EBF1: variants seen among roughly 807,000 people sequenced by gnomAD.
EBF1 encodes transcription factor COE1.
EBF1 carries 10 observed loss-of-function variants against 68.4 expected under a neutral mutation model. That is an observed-to-expected ratio of 0.15 (90% CI 0.09 to 0.25). The LOEUF (loss-of-function observed/expected upper bound fraction) is 0.25. Among genes scored for constraint, EBF1 ranks in the 10% least tolerant of loss-of-function variants. EBF1 has a pLI of 1.00. For synonymous variants in EBF1, 298 were observed against 299.8 expected (o/e 0.99, Z 0.06); for missense variants, 509 against 794.4 (o/e 0.64, Z 4.32).
intron 6 of EBF1, among the ~76,000 whole-genome samples, chr5:158,919,350 G>A (rs986784098): frequency 1.2e-4 from 19 of 152,082 alleles, no homozygotes; most frequent in East Asian, 1.9e-4. Flanking sequence ...GAAAATCCCC[G>A]GAGAGGGTTA....
chr5:158,775,415 G>A (rs932776372), intron 10 of EBF1, among the ~76,000 whole-genome samples: 7 of 151,838 alleles, frequency 4.6e-5, no homozygotes, highest in Non-Finnish European at 1.0e-4. Flanking sequence ...TAATGGGCAG[G>A]GACGTTGTCA....
At chr5:158,882,202 A>G (rs1799026818) in intron 6 of EBF1, among the ~76,000 whole-genome samples, 1 of 152,206 alleles carries the variant, frequency 6.6e-6, no homozygotes, top group African/African-American at 2.4e-5. Context: ...TCAAAACCCC[A>G]TAAGGAAGTT....
intron 10 of EBF1, among the ~76,000 whole-genome samples, chr5:158,734,167 G>C (rs1764695299): frequency 6.6e-6 from 1 of 152,164 alleles, no homozygotes; most frequent in Non-Finnish European, 1.5e-5. Context: ...ATATGTCTGT[G>C]TATAAACTGC....
intron 6 of EBF1, among the ~76,000 whole-genome samples, chr5:158,964,320 T>C (rs1753673290): frequency 6.6e-6 from 1 of 152,156 alleles, no homozygotes; most frequent in Non-Finnish European, 1.5e-5. Flanking sequence ...GGAGCCAGGC[T>C]GTCCAAGTGG....
Position 158,995,676 on chromosome 5 carries a change from A to C in EBF1, c.554+77720T>G, listed in dbSNP as rs548105952. Among the ~76,000 whole-genome samples the C allele has an allele frequency of 4.6e-5, 7 of 152,280 alleles. No individual in the cohort carries two copies. The South Asian group carries it at 6.2e-4, about 14-fold the overall frequency. ...GCCTTACCCTCTCCGACCTTCTTAC[A>C]GGGTCATTGTAAGGATTAACTGGAT... On this transcript the variant is annotated intron_variant, in intron 6 of 15. Transcript: ENST00000313708.
intron 10 of EBF1, among the ~76,000 whole-genome samples, chr5:158,762,976 G>A (rs1196308416): frequency 2.0e-5 from 3 of 152,124 alleles, no homozygotes; most frequent in Non-Finnish European, 4.4e-5. Context: ...CAAACAAACA[G>A]TAACTTCACT....
chr5:159,075,693 G>C (rs1358852004), intron 5 of EBF1, among the ~76,000 whole-genome samples: 1 of 152,142 alleles, frequency 6.6e-6, no homozygotes, highest in Non-Finnish European at 1.5e-5. Context: ...AATGTCAGTG[G>C]TACTGTGCCA....
At chr5:158,925,560 T>C (rs906341290) in intron 6 of EBF1, among the ~76,000 whole-genome samples, 1 of 152,194 alleles carries the variant, frequency 6.6e-6, no homozygotes, top group Admixed American at 6.5e-5. Context: ...CTCCTTCCAC[T>C]GGCCACCATG....
intron 10 of EBF1, among the ~76,000 whole-genome samples, chr5:158,748,836 C>G (rs1201053766): frequency 6.6e-5 from 10 of 152,118 alleles, no homozygotes; most frequent in Non-Finnish European, 1.5e-4. Context: ...AATGTGCCTA[C>G]TGAGGGAAGA....
intron 15 of EBF1, 54 bp downstream of exon 15, chr5:158,707,925 G>C: frequency 1.3e-6 from 2 of 1,523,258 alleles, no homozygotes; most frequent in Non-Finnish European, 1.8e-6. Flanking sequence ...CAGGCCCTGG[G>C]AGGGTGAAGT....
chr5:158,727,342 G>T (rs1027746284), intron 11 of EBF1, among the ~76,000 whole-genome samples: 7 of 152,176 alleles, frequency 4.6e-5, no homozygotes, highest in Non-Finnish European at 8.8e-5. Context: ...AGGGGGCGGA[G>T]ACATTTCTGA....
At chr5:158,989,867 G>T (rs890206443) in intron 6 of EBF1, among the ~76,000 whole-genome samples, 2 of 152,112 alleles carry the variant, frequency 1.3e-5, no homozygotes, top group African/African-American at 4.8e-5. Flanking sequence ...TAAGTGCTAT[G>T]GAGTGCATTA....
At chr5:159,070,365 G>A (rs1777590609) in intron 6 of EBF1, among the ~76,000 whole-genome samples, 1 of 152,174 alleles carries the variant, frequency 6.6e-6, no homozygotes, top group East Asian at 1.9e-4. Flanking sequence ...TTCTCAGTCT[G>A]TGCATGCCAT....
intron 6 of EBF1, among the ~76,000 whole-genome samples, chr5:159,060,430 C>T (rs1399233408): frequency 6.6e-6 from 1 of 152,106 alleles, no homozygotes; most frequent in Non-Finnish European, 1.5e-5. Flanking sequence ...TGTAAAGTTG[C>T]TATTTTTTAA....
At chr5:158,755,743 G>A (rs1769926321) in intron 10 of EBF1, among the ~76,000 whole-genome samples, 1 of 152,080 alleles carries the variant, frequency 6.6e-6, no homozygotes, top group Non-Finnish European at 1.5e-5. Flanking sequence ...GCCCTTGGAG[G>A]GAGAGGGGCT....
chr5:158,841,619 G>C (rs557834624), intron 6 of EBF1, among the ~76,000 whole-genome samples: 3 of 152,296 alleles, frequency 2.0e-5, no homozygotes, highest in Admixed American at 1.3e-4. Flanking sequence ...TGATGCCTCA[G>C]TCTGAATTTG....
At chr5:159,093,213 A>T (rs1448210551) in intron 4 of EBF1, among the ~76,000 whole-genome samples, 1 of 152,220 alleles carries the variant, frequency 6.6e-6, no homozygotes, top group Non-Finnish European at 1.5e-5. Flanking sequence ...GCACATAATC[A>T]AAGAACAAGC....
chr5:159,099,275 G>T, intron 1 of EBF1, 70 bp downstream of exon 1: 1 of 1,283,290 alleles, frequency 7.8e-7, no homozygotes, highest in Non-Finnish European at 1.0e-6. Flanking sequence ...TGCCGCTGCC[G>T]CTGCCGCCTC....
Position 159,069,685 on chromosome 5 carries a change from A to G in EBF1, c.554+3711T>C, listed in dbSNP as rs1404303834. Among the ~76,000 whole-genome samples, 4 of 152,264 alleles carry G rather than the reference A, an allele frequency of 2.6e-5. No homozygotes were observed. The East Asian group carries it at 7.7e-4, about 29-fold the overall frequency. On this transcript the variant is annotated intron_variant, in intron 6 of 15. Transcript: ENST00000313708. ...CTGGGTTCCCAATTCAGACTACCCT[A>G]TGTGACTTTTGTCATTATCATCTTT...
Sources: gnomAD v4.1 joint callset for allele counts (sites outside exome capture counted in the v4.1 genomes callset) on GRCh38, gnomAD v4.1.1 for gene constraint, MANE v1.5 for transcripts, NCBI Gene and HGNC (gene_info 2026-07-23, HGNC 2026-07-21) for gene names.